BANF2: variants seen among roughly 807,000 people sequenced by gnomAD.
BANF2 encodes the protein BANF family member 2.
A neutral mutation model predicts 8.0 loss-of-function variants in BANF2; 4 were observed. The observed-to-expected ratio is 0.50, with a 90% CI of 0.25 to 1.14. BANF2 has a LOEUF of 1.14. Ranked by LOEUF, BANF2 falls within the 50% of genes most tolerant of loss-of-function variation. The probability of loss-of-function intolerance (pLI) is 0.16; values close to 1 mark genes in which losing one functional copy is unlikely to be tolerated. For synonymous variants in BANF2, 50 were observed against 40.6 expected (o/e 1.23, Z -0.88); for missense variants, 96 against 107.5 (o/e 0.89, Z 0.47).
chr20:17,710,744 G>C lies in BANF2; in HGVS notation c.-167+10689G>C, dbSNP rs116546144. Among the ~76,000 whole-genome samples the C allele has an allele frequency of 5.3e-3, 812 of 152,272 alleles. 10 individuals are homozygous for C. The highest frequency in any genetic ancestry group is 0.018 in the African/African-American group (760 of 41,548). On this transcript the variant is annotated intron_variant, in intron 1 of 3. Transcript: ENST00000246090. ...ATCATCTTGTTTCCCCTTTAGCTTC[G>C]AGCCTCGTCAGTCTGTGGCTTTCAT...
intron 1 of BANF2, among the ~76,000 whole-genome samples, chr20:17,716,366 G>T (rs2037652249): frequency 6.6e-6 from 1 of 151,690 alleles, no homozygotes; most frequent in South Asian, 2.1e-4. Context: ...TTTGAGACAG[G>T]GTCTCCCCTA....
intron 1 of BANF2, among the ~76,000 whole-genome samples, chr20:17,720,046 C>T (rs906028212): frequency 1.3e-5 from 2 of 152,156 alleles, no homozygotes; most frequent in African/African-American, 4.8e-5. Flanking sequence ...ATACCCTATG[C>T]TAATGAAATC....
chr20:17,715,134 C>A (rs2037631925), intron 1 of BANF2, among the ~76,000 whole-genome samples: 1 of 152,142 alleles, frequency 6.6e-6, no homozygotes, highest in African/African-American at 2.4e-5. Flanking sequence ...GATCTCCTAC[C>A]CTCAGCCCAG....
chr20:17,727,201 G>A (rs1227862762), intron 3 of BANF2, among the ~76,000 whole-genome samples: 1 of 152,230 alleles, frequency 6.6e-6, no homozygotes, highest in Non-Finnish European at 1.5e-5. Context: ...GTGCAGCCGG[G>A]TCCCTGGAGA....
intron 1 of BANF2, among the ~76,000 whole-genome samples, chr20:17,710,256 C>T (rs73898394): frequency 0.016 from 2,398 of 152,252 alleles, 82 homozygotes; most frequent in African/African-American, 0.055. Context: ...GCAGGGACAG[C>T]GTCTGCTAAA....
intron 1 of BANF2, among the ~76,000 whole-genome samples, chr20:17,694,584 T>G (rs1297577339): frequency 6.8e-6 from 1 of 147,332 alleles, no homozygotes; most frequent in Non-Finnish European, 1.5e-5. Context: ...AGGGGGCTAT[T>G]TTTGTTTTTT....
At chr20:17,732,624 G>T (rs961981536) in intron 3 of BANF2, among the ~76,000 whole-genome samples, 3 of 152,192 alleles carry the variant, frequency 2.0e-5, no homozygotes, top group Non-Finnish European at 4.4e-5. Context: ...CCAAAGTGCT[G>T]GGATTACAGG....
upstream of BANF2, among the ~76,000 whole-genome samples, chr20:17,699,009 G>A (rs759716251): frequency 6.6e-6 from 1 of 152,184 alleles, no homozygotes; most frequent in Non-Finnish European, 1.5e-5. Flanking sequence ...ATGTGGGAAC[G>A]TGTAAGAAAT....
chr20:17,717,707 A>G (rs928470354), intron 1 of BANF2, among the ~76,000 whole-genome samples: 7 of 152,232 alleles, frequency 4.6e-5, no homozygotes, highest in African/African-American at 1.7e-4. Context: ...GAAATATATC[A>G]TGTGGGATAA....
At chr20:17,695,879 C>T (rs1355060499), upstream of BANF2, among the ~76,000 whole-genome samples, 5 of 152,216 alleles carry the variant, frequency 3.3e-5, no homozygotes, top group Non-Finnish European at 7.3e-5. Context: ...TCTGTAGCCT[C>T]AGATCAGTTT....
intron 1 of BANF2, among the ~76,000 whole-genome samples, chr20:17,704,238 A>G (rs568037755): frequency 1.3e-5 from 2 of 152,352 alleles, no homozygotes; most frequent in South Asian, 4.1e-4. Context: ...CAGTCACTTC[A>G]ACAGTGCTGT....
rs141645511 is a variant in BANF2 at position 17,718,453 on chromosome 20, G to A, written c.-166-4263G>A. ...GCCTCCCGAAGCGCTGGGATTACAG[G>A]CATGAGCTACCGCGCCCAGCCTGCA... On this transcript the variant is annotated intron_variant, in intron 1 of 3. Coordinates refer to ENST00000246090, the MANE Select transcript of BANF2 (RefSeq NM_178477.5). Among the ~76,000 whole-genome samples, 330 of 152,324 alleles carry A rather than the reference G, an allele frequency of 2.2e-3. 2 individuals are homozygous for A. Among genetic ancestry groups the A allele is most frequent in the Admixed American group, 4.8e-3 (74 of 15,300 alleles).
At chr20:17,717,802 G>C (rs1411174522) in intron 1 of BANF2, among the ~76,000 whole-genome samples, 1 of 152,138 alleles carries the variant, frequency 6.6e-6, no homozygotes, top group Non-Finnish European at 1.5e-5. Context: ...TGTGACTACT[G>C]TCTATAATAG....
At chr20:17,695,193 T>A (rs1304138546), upstream of BANF2, among the ~76,000 whole-genome samples, 2 of 151,942 alleles carry the variant, frequency 1.3e-5, no homozygotes, top group African/African-American at 4.8e-5. Flanking sequence ...GATGGTGTAA[T>A]CCCAGCACTT....
At chr20:17,695,603 T>G (rs201255650), upstream of BANF2, among the ~76,000 whole-genome samples, 648 of 146,702 alleles carry the variant, frequency 4.4e-3, 2 homozygotes, top group Middle Eastern at 0.024. Context: ...AAACCTAGGG[T>G]GTGTGTGTGT....
intron 3 of BANF2, among the ~76,000 whole-genome samples, chr20:17,725,514 G>T (rs1027785206): frequency 1.3e-5 from 2 of 152,258 alleles, no homozygotes; most frequent in African/African-American, 4.8e-5. Flanking sequence ...GGGACTCATG[G>T]CATCTCGCTT....
At chr20:17,695,765 A>G (rs915909811), upstream of BANF2, among the ~76,000 whole-genome samples, 1 of 152,204 alleles carries the variant, frequency 6.6e-6, no homozygotes, top group Non-Finnish European at 1.5e-5. Context: ...CCGAGTAATC[A>G]TCGCCATGAT....
chr20:17,728,532 C>T (rs1235278807), intron 3 of BANF2, among the ~76,000 whole-genome samples: 1 of 152,174 alleles, frequency 6.6e-6, no homozygotes, highest in East Asian at 1.9e-4. Context: ...TCCATTCCTC[C>T]TCTCACACAG....
chr20:17,700,649 T>C (rs1016246857), intron 1 of BANF2, among the ~76,000 whole-genome samples: 1 of 152,122 alleles, frequency 6.6e-6, no homozygotes, highest in Non-Finnish European at 1.5e-5. Context: ...AATAAGGAGA[T>C]GGATTAGAAC....
Sources: allele counts gnomAD v4.1 joint callset (sites outside exome capture counted in the v4.1 genomes callset), GRCh38; gene constraint gnomAD v4.1.1; transcripts MANE v1.5; gene names NCBI Gene and HGNC (gene_info 2026-07-23, HGNC 2026-07-21).